The following ARFGEF2 variants were observed in gnomAD, a reference collection of about 807,000 sequenced individuals.
ARFGEF2 encodes the protein ARF guanine nucleotide exchange factor 2.
Under a neutral mutation model 219.9 loss-of-function variants are expected in ARFGEF2, and 74 were observed. That is an observed-to-expected ratio of 0.34 (90% CI 0.28 to 0.41). ARFGEF2 has a LOEUF of 0.41. ARFGEF2 is among the 10% of genes least tolerant of loss of function. The pLI, the probability that ARFGEF2 is intolerant of heterozygous loss-of-function variation, is 1.00. For missense variants in ARFGEF2, 1,743 were observed against 2,218.3 expected (o/e 0.79, Z 4.30); for synonymous variants, 733 against 799.2 (o/e 0.92, Z 1.40).
intron 36 of ARFGEF2, 21 bp downstream of exon 36, chr20:49,025,502 A>G: frequency 6.2e-7 from 1 of 1,613,434 alleles, no homozygotes; most frequent in Middle Eastern, 1.7e-4. Flanking sequence ...ACAGCAGATA[A>G]GATAGATGGC....
At position 48,989,473 on chromosome 20, in the gene ARFGEF2, G is replaced by T. The variant is rs376166321; in HGVS notation, c.2685+37G>T. 8.4e-5 allele frequency: 136 copies of T among 1,614,228 alleles called. 1 individual carries two copies. Among genetic ancestry groups the T allele is most frequent in the South Asian group, 8.1e-4 (74 of 91,082 alleles). On this transcript the variant is annotated intron_variant, in intron 19 of 38. Transcript: ENST00000371917. ...GAGAACTTAGCAAGCATGTGGCTAA[G>T]CCTGATTCTGAAGCTGGCCAGCGAG...
Position 48,998,492 on chromosome 20 carries a change from ATCACT to A in ARFGEF2, c.3423_3427del (p.His1141GlnfsTer2). On this transcript the variant is annotated frameshift_variant, in exon 25 of 39. Coordinates refer to ENST00000371917, the MANE Select transcript of ARFGEF2 (RefSeq NM_006420.3). LOFTEE classifies it high-confidence loss of function. ...TCTCGAATATGGCATGTGATTGGAG[ATCACT>A]TCAATAAGGTAACTCTTCAAATTTA... 6.2e-7 allele frequency: 1 copy of A among 1,613,750 alleles called. No homozygotes were observed. Among genetic ancestry groups the A allele is most frequent in the Non-Finnish European group, 8.5e-7 (1 of 1,179,942 alleles).
At chr20:48,931,074 G>A (rs570919395) in intron 1 of ARFGEF2, among the ~76,000 whole-genome samples, 2 of 152,352 alleles carry the variant, frequency 1.3e-5, no homozygotes, top group African/African-American at 4.8e-5. Flanking sequence ...TGGGTCATTG[G>A]TGGCCTTAGC....
chr20:48,947,850 C>T (rs1020311041), intron 3 of ARFGEF2, among the ~76,000 whole-genome samples: 2 of 152,044 alleles, frequency 1.3e-5, no homozygotes, highest in Non-Finnish European at 1.5e-5. Context: ...AGTGAGACCC[C>T]ATCTCAAAAT....
chr20:48,996,699 G>A (rs1231392117), intron 23 of ARFGEF2, among the ~76,000 whole-genome samples: 8 of 148,120 alleles, frequency 5.4e-5, no homozygotes, highest in African/African-American at 1.7e-4. Context: ...GGCCGAGATC[G>A]CGCCATTGCA....
intron 37 of ARFGEF2, among the ~76,000 whole-genome samples, chr20:49,031,339 T>C (rs13042947): frequency 0.36 from 54,441 of 150,914 alleles, 10,605 homozygotes; most frequent in African/African-American, 0.53. Context: ...AAGTGATTCT[T>C]GTGCCTCAGC....
At chr20:49,011,868 T>G (rs923833600) in intron 27 of ARFGEF2, 56 bp from the exon 28 acceptor site, 13 of 1,605,860 alleles carry the variant, frequency 8.1e-6, no homozygotes, top group Non-Finnish European at 1.1e-5. Flanking sequence ...CGTGCATTTT[T>G]TCATCCCCAT....
At chr20:48,973,488 G>C (rs1392921087) in intron 12 of ARFGEF2, among the ~76,000 whole-genome samples, 3 of 152,150 alleles carry the variant, frequency 2.0e-5, no homozygotes, top group Non-Finnish European at 4.4e-5. Context: ...AAATAAAGCA[G>C]GGACGGCAGA....
intron 28 of ARFGEF2, among the ~76,000 whole-genome samples, chr20:49,012,403 C>T (rs1339885190): frequency 1.3e-5 from 2 of 152,216 alleles, no homozygotes; most frequent in Admixed American, 1.3e-4. Context: ...GAAAACAAAC[C>T]TCCCTTGTAG....
chr20:48,938,230 C>T (rs1320060989), intron 1 of ARFGEF2, among the ~76,000 whole-genome samples: 17 of 152,164 alleles, frequency 1.1e-4, no homozygotes, highest in Non-Finnish European at 2.9e-5. Context: ...GACAACATTT[C>T]GCTTATAGAA....
intron 34 of ARFGEF2, among the ~76,000 whole-genome samples, chr20:49,021,718 G>A (rs1348754299): frequency 1.3e-5 from 2 of 151,310 alleles, no homozygotes; most frequent in Non-Finnish European, 2.9e-5. Flanking sequence ...GCATGGTGCC[G>A]GGTGCCTGTA....
chr20:48,980,990 A>C (rs1344845251), intron 14 of ARFGEF2, among the ~76,000 whole-genome samples: 1 of 152,088 alleles, frequency 6.6e-6, no homozygotes, highest in Non-Finnish European at 1.5e-5. Flanking sequence ...ATTTCAAGTT[A>C]ATATTGTTAT....
chr20:48,958,115 G>A (rs2091116277), intron 6 of ARFGEF2, among the ~76,000 whole-genome samples: 1 of 152,192 alleles, frequency 6.6e-6, no homozygotes, highest in Non-Finnish European at 1.5e-5. Context: ...CCAGGCGGGT[G>A]ACAGAAATGA....
chr20:48,966,635 A>T (rs986252845), intron 8 of ARFGEF2, among the ~76,000 whole-genome samples: 1 of 152,198 alleles, frequency 6.6e-6, no homozygotes, highest in Non-Finnish European at 1.5e-5. Flanking sequence ...AATAGGAAGT[A>T]ATATGATGTG....
intron 1 of ARFGEF2, among the ~76,000 whole-genome samples, chr20:48,938,012 T>G (rs1277581660): frequency 6.6e-6 from 1 of 152,218 alleles, no homozygotes; most frequent in East Asian, 1.9e-4. Context: ...CATTTATGGT[T>G]TACAGAGTAA....
rs1225016470 is a variant in ARFGEF2, at chr20:49,036,252, C to T, written c.*3053C>T. 3 of 398,184 alleles carry T rather than the reference C, an allele frequency of 7.5e-6. No homozygotes were observed. The highest frequency in any genetic ancestry group is 1.3e-5 in the Non-Finnish European group (3 of 225,946). 24.7% of individuals were successfully genotyped at this position (398,184 alleles called of 1,614,324 possible). On this transcript the variant is annotated 3_prime_UTR_variant, in exon 39 of 39. Coordinates refer to ENST00000371917, the MANE Select transcript of ARFGEF2 (RefSeq NM_006420.3). ...TGGAATCCTGGAGTTTTGTTATCAG[C>T]AGCTTTGCAGTTTGGGAAACAAAGA...
At chr20:49,020,684 C>T (rs143879089) in intron 34 of ARFGEF2, among the ~76,000 whole-genome samples, 1 of 152,274 alleles carries the variant, frequency 6.6e-6, no homozygotes, top group East Asian at 1.9e-4. Context: ...GGACTCAAGC[C>T]ATCCTCCTGC....
At chr20:49,032,793 G>A (rs935090305) in intron 38 of ARFGEF2, among the ~76,000 whole-genome samples, 6 of 151,824 alleles carry the variant, frequency 4.0e-5, no homozygotes, top group Non-Finnish European at 7.4e-5. Context: ...GGGTTTCACC[G>A]TGTTGCCTAG....
At chr20:48,931,321 A>G (rs2090911914) in intron 1 of ARFGEF2, among the ~76,000 whole-genome samples, 2 of 152,100 alleles carry the variant, frequency 1.3e-5, no homozygotes, top group South Asian at 4.1e-4. Flanking sequence ...GAAAGAAGAA[A>G]GGACAGTGTT....
Sources: allele counts gnomAD v4.1 joint callset (sites outside exome capture counted in the v4.1 genomes callset), GRCh38; gene constraint gnomAD v4.1.1; transcripts MANE v1.5; gene names NCBI Gene and HGNC (gene_info 2026-07-23, HGNC 2026-07-21).